The following SLC12A4 variants were observed in gnomAD, a reference collection of about 807,000 sequenced individuals.
The protein encoded by SLC12A4 is solute carrier family 12 member 4, also known as electroneutral potassium-chloride cotransporter 1.
In SLC12A4, 84 loss-of-function variants were observed where a neutral mutation model predicts 119.2. That is an observed-to-expected ratio of 0.70 (90% confidence interval 0.59 to 0.85). The LOEUF is 0.85. Among genes scored for constraint, SLC12A4 ranks in the 40% least tolerant of loss-of-function variants. The pLI is 0.00. For missense variants in SLC12A4, 1,298 were observed against 1,476.3 expected (o/e 0.88, Z 1.98); for synonymous variants, 599 against 604.6 (o/e 0.99, Z 0.14).
At position 67,946,181 on chromosome 16, in the gene SLC12A4, C is replaced by T. The variant is rs769008809; in HGVS notation, c.2597G>A (p.Arg866His). The T allele has an allele frequency of 2.2e-5, 35 of 1,613,778 alleles. No homozygotes were observed. In the Admixed American group the frequency reaches 2.8e-4, roughly 13 times the overall value. ...CACCCCCTGGTCTACCTTATGCTGGCGCAGCAGGAAGGGCAGAAGCATGAG... is the reference window on the plus strand; with the variant it reads ...CACCCCCTGGTCTACCTTATGCTGGTGCAGCAGGAAGGGCAGAAGCATGAG... The part of the protein sequence containing the change: ...GMLMLLPFLL[R>H]QHKVWRKCRM... The change falls in exon 19 of 24, where the codon CGC becomes CAC. Residue 866 changes from arginine (R) to histidine (H), a missense_variant. By Grantham distance (29) the Arg-to-His change is conservative. Coordinates refer to ENST00000316341, the MANE Select transcript of SLC12A4 (RefSeq NM_005072.5).
intron 6 of SLC12A4, chr16:67,954,091 C>T (rs775959377): frequency 3.5e-5 from 13 of 374,596 alleles, no homozygotes; most frequent in East Asian, 2.1e-4. Flanking sequence ...CCATGCCTCC[C>T]GCAGCTCCTT....
chr16:67,945,335 C>T lies in SLC12A4; in HGVS notation c.3032+34G>A, dbSNP rs760647579. 5 of 1,593,030 alleles carry T rather than the reference C, an allele frequency of 3.1e-6. No homozygotes were observed. The East Asian group carries it at 1.1e-4, about 36-fold the overall frequency. ...CCCACCCCACCTCCACCCCTAGATTCCAGTGCCGCTGGGGCTGTTTTTGCT... is the reference window on the plus strand; with the variant it reads ...CCCACCCCACCTCCACCCCTAGATTTCAGTGCCGCTGGGGCTGTTTTTGCT... On this transcript the variant is annotated intron_variant, in intron 22 of 23. Transcript: ENST00000316341.
In SLC12A4 at chr16:67,944,000, C is replaced by T. The variant is rs919086282; in HGVS notation, c.*840G>A. The T allele has an allele frequency of 2.0e-5, 31 of 1,547,834 alleles. No individual in the cohort carries two copies. Among genetic ancestry groups the T allele is most frequent in the East Asian group, 4.9e-5 (2 of 40,858 alleles). ...TGAGCTCAGCCTTGGGCGTGGTGTGCGGGGGGAAGAGCACATTGAGGAGCC... is the reference window on the plus strand; with the variant it reads ...TGAGCTCAGCCTTGGGCGTGGTGTGTGGGGGGAAGAGCACATTGAGGAGCC... On this transcript the variant is annotated 3_prime_UTR_variant, in exon 24 of 24. Transcript: ENST00000316341. The surrounding 1 kb of genome is among the most constrained non-coding windows in gnomAD (Gnocchi z 4.6).
intron 1 of SLC12A4, among the ~76,000 whole-genome samples, chr16:67,965,130 T>A (rs1183648819): frequency 6.6e-6 from 1 of 152,178 alleles, no homozygotes; most frequent in East Asian, 1.9e-4. Flanking sequence ...CCGTGTCATG[T>A]TAAAGCCAGG....
Position 67,961,699 on chromosome 16 carries a change from A to G in SLC12A4, c.218T>C (p.Leu73Pro), listed in dbSNP as rs746577888. 1 of 1,613,968 alleles carries G rather than the reference A, an allele frequency of 6.2e-7. No individual in the cohort carries two copies. Among genetic ancestry groups the G allele is most frequent in the African/African-American group, 1.3e-5 (1 of 74,954 alleles). Residue 73 changes from leucine to proline, a missense_variant, in exon 3 of 24, where the codon CTG (leucine) becomes CCG (proline). Physicochemically the swap from Leu to Pro is moderately conservative, Grantham distance 98. Coordinates refer to ENST00000316341, the MANE Select transcript of SLC12A4 (RefSeq NM_005072.5). ...AGACGATACCTTTGGGCGGATGTCC[A>G]GCTCTTCCTGCAAACAGAGCCACAG... Reference protein sequence around the residue: ...DRNLALFEEELDIRPKVSSLL... With the variant: ...DRNLALFEEEPDIRPKVSSLL...
Position 67,963,561 on chromosome 16 carries a change from T to C in SLC12A4, c.116-2A>G. 1 of 1,564,740 alleles carries C rather than the reference T, an allele frequency of 6.4e-7. No homozygotes were observed. Among genetic ancestry groups the C allele is most frequent in the Non-Finnish European group, 8.6e-7 (1 of 1,161,512 alleles). ...TGCTCTCTCTGTGGTTGCCATGTCCTGTGAAGAGAGAGGGACAATCAGGGC... is the reference window on the plus strand; with the variant it reads ...TGCTCTCTCTGTGGTTGCCATGTCCCGTGAAGAGAGAGGGACAATCAGGGC... On this transcript the variant is annotated splice_acceptor_variant, in intron 1 of 23. Coordinates refer to ENST00000316341, the MANE Select transcript of SLC12A4 (RefSeq NM_005072.5). LOFTEE classifies it high-confidence loss of function.
At position 67,946,606 on chromosome 16, in the gene SLC12A4, TC is replaced by T; in HGVS notation, c.2268del (p.Lys757ArgfsTer2). On this transcript the variant is annotated frameshift_variant, in exon 18 of 24. Coordinates refer to ENST00000316341, the MANE Select transcript of SLC12A4 (RefSeq NM_005072.5). LOFTEE classifies it high-confidence loss of function. Reference protein sequence around the residue: ...EQTIKNMMEIEKVKGFCQVVV... With the variant: ...EQTIKNMMEIXKVKGFCQVVV... ...ACCACCTGGCAGAAGCCCTTCACCT[TC>T]TCAATTTCCATCATGTTCTTGATGG... The T allele has an allele frequency of 6.2e-7, 1 of 1,612,882 alleles. No individual in the cohort carries two copies. The highest frequency in any genetic ancestry group is 8.5e-7 in the Non-Finnish European group (1 of 1,179,678).
In SLC12A4 at chr16:67,945,447, G is replaced by C. The variant is rs756828645; in HGVS notation, c.2954C>G (p.Thr985Ser). The change falls in exon 22 of 24, where the codon ACC (threonine) becomes AGC (serine). Residue 985 changes from threonine (T) to serine (S), a missense_variant. Transcript: ENST00000316341. ...GGTCTCAGTCATGTACTTGTCCCTG[G>C]TCCACGTCATCTGGATCTTGTCAGC... Reference protein sequence around the residue: ...VGADKIQMTWTRDKYMTETWD... With the variant: ...VGADKIQMTWSRDKYMTETWD... 1 of 1,614,108 alleles carries C rather than the reference G, an allele frequency of 6.2e-7. No individual in the cohort carries two copies. Among genetic ancestry groups the C allele is most frequent in the South Asian group, 1.1e-5 (1 of 91,084 alleles).
Position 67,944,001 on chromosome 16 carries a change from G to A in SLC12A4, c.*839C>T, listed in dbSNP as rs121908051. ...GAGCTCAGCCTTGGGCGTGGTGTGC[G>A]GGGGGAAGAGCACATTGAGGAGCCA... On this transcript the variant is annotated 3_prime_UTR_variant, in exon 24 of 24. Transcript: ENST00000316341. This position sits in a 1 kb window ranked among gnomAD's most constrained non-coding sequence, Gnocchi z 6.6. 10 of 1,548,214 alleles carry A rather than the reference G, an allele frequency of 6.5e-6. No homozygotes were observed. Among genetic ancestry groups the A allele is most frequent in the East Asian group, 2.4e-5 (1 of 40,870 alleles).
chr16:67,963,859 GC>G, intron 1 of SLC12A4: 1 of 1,531,308 alleles, frequency 6.5e-7, no homozygotes. Context: ...CTGCAGAGGG[GC>G]GGGGCCAGCG....
intron 1 of SLC12A4, among the ~76,000 whole-genome samples, chr16:67,968,166 C>G (rs1390334490): frequency 6.6e-6 from 1 of 152,116 alleles, no homozygotes; most frequent in Admixed American, 6.5e-5. Context: ...GCTGGCCTCC[C>G]TGGGCGGCCA....
chr16:67,965,198 CAGA>C (rs2030809126), intron 1 of SLC12A4, among the ~76,000 whole-genome samples: 3 of 152,180 alleles, frequency 2.0e-5, no homozygotes, highest in Admixed American at 1.3e-4. Flanking sequence ...TGTTCAGGAT[CAGA>C]AGGAGTCCCA....
At chr16:67,956,835 T>C (rs3785097) in intron 5 of SLC12A4, among the ~76,000 whole-genome samples, 32,493 of 133,624 alleles carry the variant, frequency 0.24, 3,960 homozygotes, top group South Asian at 0.34. Context: ...CACACACACA[T>C]ATATATATAT....
chr16:67,958,063 A>G lies in SLC12A4; in HGVS notation c.343-19T>C. 6.2e-7 allele frequency: 1 copy of G among 1,611,228 alleles called. No individual in the cohort carries two copies. Among genetic ancestry groups the G allele is most frequent in the Non-Finnish European group, 8.5e-7 (1 of 1,178,310 alleles). ...TGGGTGCCTATGCGAACACAAAGGGAGGGGGCGAGTAGAGCATCAGAGGGA... is the reference window on the plus strand; with the variant it reads ...TGGGTGCCTATGCGAACACAAAGGGGGGGGGCGAGTAGAGCATCAGAGGGA... On this transcript the variant is annotated intron_variant, in intron 3 of 23. Transcript: ENST00000316341.
At position 67,944,569 on chromosome 16, in the gene SLC12A4, G is replaced by A. The variant is rs1388007150; in HGVS notation, c.*271C>T. The A allele has an allele frequency of 6.9e-6, 9 of 1,302,456 alleles. No individual in the cohort carries two copies. Among genetic ancestry groups the A allele is most frequent in the South Asian group, 2.4e-5 (1 of 41,736 alleles). 80.7% of individuals were successfully genotyped at this position (1,302,456 alleles called of 1,614,324 possible). A position where few individuals can be genotyped will look rare whatever the true frequency, so the allele number is the denominator to read the frequency against. On this transcript the variant is annotated 3_prime_UTR_variant, in exon 24 of 24. Transcript: ENST00000316341. The surrounding 1 kb of genome is among the most constrained non-coding windows in gnomAD (Gnocchi z 6.6). ...GGCCGGCTGCCTTCAAACCCCACTC[G>A]GCCCCTACCAGTCTTCTCTGGCCAG...
chr16:67,951,547 C>G lies in SLC12A4; in HGVS notation c.1133-243G>C. ...AGAGCCCGCCACTGCCCGCCTTCCACAGAGGCCTTTATGGATCCTGTGGGA... is the reference window on the plus strand; with the variant it reads ...AGAGCCCGCCACTGCCCGCCTTCCAGAGAGGCCTTTATGGATCCTGTGGGA... On this transcript the variant is annotated intron_variant, in intron 8 of 23. Transcript: ENST00000316341. This position sits in a 1 kb window ranked among gnomAD's most constrained non-coding sequence, Gnocchi z 5.2. 1 of 610,818 alleles carries G rather than the reference C, an allele frequency of 1.6e-6. No homozygotes were observed. Among genetic ancestry groups the G allele is most frequent in the Non-Finnish European group, 2.9e-6 (1 of 348,604 alleles). 37.8% of individuals were successfully genotyped at this position (610,818 alleles called of 1,614,324 possible).
intron 5 of SLC12A4, among the ~76,000 whole-genome samples, chr16:67,957,012 T>C (rs748969730): frequency 6.6e-6 from 1 of 151,944 alleles, no homozygotes; most frequent in African/African-American, 2.4e-5. Flanking sequence ...TTTATTTATT[T>C]ATTTTGGAGA....
chr16:67,957,741 C>T lies in SLC12A4; in HGVS notation c.544+1G>A. On this transcript the variant is annotated splice_donor_variant, in intron 5 of 23. Transcript: ENST00000316341. LOFTEE classifies it high-confidence loss of function. ...CCAGGCCTTGGGTGGCGCTCACTGA[C>T]CTGGAACCACACCGTTGGTGGCGAT... 6.2e-7 allele frequency: 1 copy of T among 1,613,200 alleles called. No homozygotes were observed. Among genetic ancestry groups the T allele is most frequent in the Non-Finnish European group, 8.5e-7 (1 of 1,180,026 alleles).
At chr16:67,962,897 G>A (rs2030658382) in intron 2 of SLC12A4, 1 of 152,192 alleles carries the variant, frequency 6.6e-6, no homozygotes, top group Admixed American at 6.5e-5. Context: ...GCCATGCAGT[G>A]GCTGAATGCA....
Sources: allele counts gnomAD v4.1 joint callset (sites outside exome capture counted in the v4.1 genomes callset), GRCh38; gene constraint gnomAD v4.1.1; non-coding constraint Gnocchi (gnomAD v3.1); transcripts MANE v1.5; gene names NCBI Gene and HGNC (gene_info 2026-07-23, HGNC 2026-07-21).